Variants in CTNND1 observed in about 807,000 individuals in gnomAD.
CTNND1 encodes the protein catenin delta-1.
In CTNND1, 16 loss-of-function variants were observed where a neutral mutation model predicts 112.1. That is an observed-to-expected ratio of 0.14 (90% CI 0.10 to 0.22). The LOEUF (loss-of-function observed/expected upper bound fraction) is 0.22, where lower values mean the gene tolerates loss of function less well. Among genes scored for constraint, CTNND1 ranks in the 10% least tolerant of loss-of-function variants. CTNND1 has a pLI of 1.00. For synonymous variants in CTNND1, 420 were observed against 446.5 expected (o/e 0.94, Z 0.75); for missense variants, 1,008 against 1,257.0 (o/e 0.80, Z 3.00).
In CTNND1 at chr11:57,789,152, A is replaced by T. The variant is rs1366474926; in HGVS notation, c.-98A>T. On this transcript the variant is annotated 5_prime_UTR_variant, in exon 2 of 21. Coordinates refer to ENST00000399050, the MANE Select transcript of CTNND1 (RefSeq NM_001085458.2). ...ACCAATCAGTTGCGACCTTCTCTTA[A>T]CAGGTGTGTATGGAAATATGTTTAT... 2.6e-6 allele frequency: 4 copies of T among 1,511,308 alleles called. No homozygotes were observed. Among genetic ancestry groups the T allele is most frequent in the Non-Finnish European group, 3.5e-6 (4 of 1,130,082 alleles). 93.6% of individuals were successfully genotyped at this position (1,511,308 alleles called of 1,614,324 possible). A position where few individuals can be genotyped will look rare whatever the true frequency, so the allele number is the denominator to read the frequency against.
intron 2 of CTNND1, among the ~76,000 whole-genome samples, chr11:57,789,926 G>A (rs2060514655): frequency 6.6e-6 from 1 of 152,194 alleles, no homozygotes; most frequent in African/African-American, 2.4e-5. Flanking sequence ...CCAAGGAGGT[G>A]AAGTTTCCTG....
intron 1 of CTNND1, among the ~76,000 whole-genome samples, chr11:57,773,353 G>A (rs539803129): frequency 1.5e-4 from 23 of 151,892 alleles, no homozygotes; most frequent in African/African-American, 5.3e-4. Context: ...GGCTGGTCTC[G>A]AACTCCTGGG....
intron 1 of CTNND1, among the ~76,000 whole-genome samples, chr11:57,767,337 G>A (rs1951363573): frequency 6.6e-6 from 1 of 152,130 alleles, no homozygotes; most frequent in South Asian, 2.1e-4. Context: ...CATGTCCCAG[G>A]TTGGTTGATG....
chr11:57,784,664 C>T (rs550557210), intron 1 of CTNND1, among the ~76,000 whole-genome samples: 4 of 152,080 alleles, frequency 2.6e-5, no homozygotes, highest in South Asian at 4.2e-4. Flanking sequence ...CCAACATGCC[C>T]GGCTAATTTT....
intron 6 of CTNND1, among the ~76,000 whole-genome samples, chr11:57,798,330 T>C (rs1391983235): frequency 4.1e-5 from 5 of 121,970 alleles, no homozygotes; most frequent in African/African-American, 9.8e-5. Context: ...CTGGGTGACA[T>C]AGTGAGACTG....
At chr11:57,800,424 T>C (rs1353383219) in intron 6 of CTNND1, among the ~76,000 whole-genome samples, 2 of 152,230 alleles carry the variant, frequency 1.3e-5, no homozygotes, top group Admixed American at 6.5e-5. Flanking sequence ...CCCACCACCA[T>C]GCCCAGCTAA....
chr11:57,794,464 A>G lies in CTNND1; in HGVS notation c.267+383A>G, dbSNP rs375386234. Among the ~76,000 whole-genome samples the G allele has an allele frequency of 2.0e-4, 31 of 152,270 alleles. No individual in the cohort carries two copies. The East Asian group carries it at 2.9e-3, about 14-fold the overall frequency. ...TAAAGCCAGTCAAAAGATGGCTCTT[A>G]CTGGGATTTTCAGGTTTGTCTTAAA... On this transcript the variant is annotated intron_variant, in intron 4 of 20. Transcript: ENST00000399050.
chr11:57,805,333 C>T (rs2062528569), intron 9 of CTNND1, among the ~76,000 whole-genome samples: 1 of 152,052 alleles, frequency 6.6e-6, no homozygotes, highest in Non-Finnish European at 1.5e-5. Context: ...GCGACCTCTC[C>T]CTCCTGGGTT....
chr11:57,761,846 G>C lies in CTNND1; in HGVS notation c.-487G>C, dbSNP rs1949939822. The C allele has an allele frequency of 3.0e-6, 3 of 985,232 alleles. No homozygotes were observed. The highest frequency in any genetic ancestry group is 5.2e-4 in the Middle Eastern group (1 of 1,914). The allele number at this position is 985,232 out of a possible 1,614,324, so 61.0% of individuals were successfully genotyped here. A position where few individuals can be genotyped will look rare whatever the true frequency, so the allele number is the denominator to read the frequency against. ...CAGGCTCCCTTGCCTTTGGCTGGGTGCAACTTCCATTTTAGGTGTTGGATC... is the reference window on the plus strand; with the variant it reads ...CAGGCTCCCTTGCCTTTGGCTGGGTCCAACTTCCATTTTAGGTGTTGGATC... On this transcript the variant is annotated 5_prime_UTR_variant, in exon 1 of 21. Transcript: ENST00000399050.
Position 57,796,840 on chromosome 11 carries a change from C to G in CTNND1, c.804C>G (p.Ser268Arg). ...AACCCCAGGTTCGGGTAGGTGGGAGCAGCGTGGATCTGCATCGCTTTCATC... is the reference window on the plus strand; with the variant it reads ...AACCCCAGGTTCGGGTAGGTGGGAGGAGCGTGGATCTGCATCGCTTTCATC... The part of the protein sequence containing the change: ...GPQPQVRVGG[S>R]SVDLHRFHPE... The change falls in exon 6 of 21, where the codon AGC (serine) becomes AGG (arginine). Residue 268 changes from serine to arginine, a missense_variant. Coordinates refer to ENST00000399050, the MANE Select transcript of CTNND1 (RefSeq NM_001085458.2). 5 of 1,611,714 alleles carry G rather than the reference C, an allele frequency of 3.1e-6. No homozygotes were observed. The highest frequency in any genetic ancestry group is 4.2e-6 in the Non-Finnish European group (5 of 1,178,438).
chr11:57,803,376 C>G (rs769129241), intron 7 of CTNND1, among the ~76,000 whole-genome samples: 1 of 152,230 alleles, frequency 6.6e-6, no homozygotes. Context: ...GCGTGAGCCA[C>G]CACACCCAGC....
chr11:57,809,478 A>C lies in CTNND1; in HGVS notation c.2435+12A>C. On this transcript the variant is annotated intron_variant, in intron 15 of 20. Coordinates refer to ENST00000399050, the MANE Select transcript of CTNND1 (RefSeq NM_001085458.2). ...ATCAACAAATCAGGGTGAGCTTACCACCTAAAATTACAGTCAAAAGAATTT... is the reference window on the plus strand; with the variant it reads ...ATCAACAAATCAGGGTGAGCTTACCCCCTAAAATTACAGTCAAAAGAATTT... The C allele has an allele frequency of 6.3e-7, 1 of 1,594,970 alleles. No individual in the cohort carries two copies. The highest frequency in any genetic ancestry group is 8.6e-7 in the Non-Finnish European group (1 of 1,169,354).
In CTNND1 at chr11:57,805,091, G is replaced by GTTTCACCATGTTGGCC. The variant is rs11570202; in HGVS notation, c.1722+313_1722+328dup. 7.1e-3 allele frequency among the ~76,000 whole-genome samples: 1,072 copies of GTTTCACCATGTTGGCC among 151,880 alleles called. 8 individuals are homozygous for GTTTCACCATGTTGGCC. Among genetic ancestry groups the GTTTCACCATGTTGGCC allele is most frequent in the Non-Finnish European group, 0.012 (815 of 67,938 alleles). On this transcript the variant is annotated intron_variant, in intron 9 of 20. Transcript: ENST00000399050. ...TTTTTGTATTTTTAGTAGAGACGGG[G>GTTTCACCATGTTGGCC]TTTCACCATGTTGGCCTGGCTGGTC...
intron 1 of CTNND1, among the ~76,000 whole-genome samples, chr11:57,763,587 C>T (rs1350274449): frequency 6.6e-6 from 1 of 152,148 alleles, no homozygotes; most frequent in East Asian, 1.9e-4. Context: ...GTCTGAATCT[C>T]ATAATTATAA....
chr11:57,796,852 G>T lies in CTNND1; in HGVS notation c.816G>T (p.Leu272=). Residue 272 remains leucine (L), a synonymous_variant, in exon 6 of 21, where the codon CTG becomes CTT. Transcript: ENST00000399050. Reference sequence around the variant, plus strand: ...GGGTAGGTGGGAGCAGCGTGGATCTGCATCGCTTTCATCCAGAGCCTTATG... The same window carrying T: ...GGGTAGGTGGGAGCAGCGTGGATCTTCATCGCTTTCATCCAGAGCCTTATG... ...QVRVGGSSVD[L]HRFHPEPYGL... 6.2e-7 allele frequency: 1 copy of T among 1,611,770 alleles called. No individual in the cohort carries two copies. The highest frequency in any genetic ancestry group is 8.5e-7 in the Non-Finnish European group (1 of 1,178,458).
At chr11:57,767,091 C>G (rs1372455212) in intron 1 of CTNND1, among the ~76,000 whole-genome samples, 1 of 152,070 alleles carries the variant, frequency 6.6e-6, no homozygotes, top group East Asian at 1.9e-4. Context: ...CCTGCCTCAG[C>G]CTCCCAAGTA....
intron 14 of CTNND1, among the ~76,000 whole-genome samples, chr11:57,808,890 T>G (rs2063018691): frequency 6.6e-6 from 1 of 152,212 alleles, no homozygotes; most frequent in Non-Finnish European, 1.5e-5. Flanking sequence ...TTAAGTAAAT[T>G]GCCCAGAGTT....
At chr11:57,791,981 C>T (rs1253519979) in intron 3 of CTNND1, among the ~76,000 whole-genome samples, 1 of 144,888 alleles carries the variant, frequency 6.9e-6, no homozygotes, top group African/African-American at 2.9e-5. Flanking sequence ...ACTCAAGTTA[C>T]TTTTCTTTTC....
intron 1 of CTNND1, among the ~76,000 whole-genome samples, chr11:57,782,934 C>T (rs1361872428): frequency 1.3e-5 from 2 of 152,216 alleles, no homozygotes; most frequent in Admixed American, 1.3e-4. Flanking sequence ...TTGGAATTAA[C>T]AGAAGATGAG....
Sources: allele counts gnomAD v4.1 joint callset (sites outside exome capture counted in the v4.1 genomes callset), GRCh38; gene constraint gnomAD v4.1.1; transcripts MANE v1.5; gene names NCBI Gene and HGNC (gene_info 2026-07-23, HGNC 2026-07-21).